The following MYO3B variants were observed in gnomAD, a reference collection of about 807,000 sequenced individuals.
The protein encoded by MYO3B is myosin IIIB.
A neutral mutation model predicts 174.6 loss-of-function variants in MYO3B; 156 were observed. The observed-to-expected ratio is 0.89, with a 90% CI of 0.78 to 1.02. The LOEUF is 1.02. Ranked by LOEUF, MYO3B falls within the 50% of genes least tolerant of loss-of-function variation. The pLI is 0.00. For synonymous variants in MYO3B, 563 were observed against 569.1 expected (o/e 0.99, Z 0.15); for missense variants, 1,632 against 1,639.4 (o/e 1.00, Z 0.08).
At chr2:170,369,450 CA>C in intron 9 of MYO3B, 73 bp downstream of exon 9, 3 of 1,498,646 alleles carry the variant, frequency 2.0e-6, no homozygotes, top group East Asian at 2.3e-5. Flanking sequence ...TTGATTTGCC[CA>C]GCATTATTAC....
At chr2:170,647,225 C>G (rs1466537195) in intron 32 of MYO3B, among the ~76,000 whole-genome samples, 2 of 152,066 alleles carry the variant, frequency 1.3e-5, no homozygotes, top group Non-Finnish European at 2.9e-5. Flanking sequence ...CAATTTGAGT[C>G]CAACAGCACT....
At chr2:170,221,679 C>T (rs1024537332) in intron 6 of MYO3B, among the ~76,000 whole-genome samples, 2 of 152,134 alleles carry the variant, frequency 1.3e-5, no homozygotes, top group Non-Finnish European at 2.9e-5. Flanking sequence ...AACAATACTA[C>T]TGGGGAAATA....
At chr2:170,645,655 C>T (rs1296435862) in intron 32 of MYO3B, among the ~76,000 whole-genome samples, 1 of 152,028 alleles carries the variant, frequency 6.6e-6, no homozygotes, top group African/African-American at 2.4e-5. Flanking sequence ...CAAATTTAGC[C>T]TTTTCTGGTT....
At chr2:170,646,136 C>T (rs1308257035) in intron 32 of MYO3B, among the ~76,000 whole-genome samples, 5 of 151,506 alleles carry the variant, frequency 3.3e-5, no homozygotes, top group East Asian at 2.0e-4. Context: ...CCGGGCGTGG[C>T]GGCACATGCC....
chr2:170,435,081 C>G (rs533415915), intron 22 of MYO3B, among the ~76,000 whole-genome samples: 2 of 152,332 alleles, frequency 1.3e-5, no homozygotes, highest in African/African-American at 4.8e-5. Context: ...AAGTATTGCA[C>G]TAGCGTAGGT....
At chr2:170,588,650 G>A (rs1693639470) in intron 32 of MYO3B, among the ~76,000 whole-genome samples, 1 of 152,130 alleles carries the variant, frequency 6.6e-6, no homozygotes, top group Non-Finnish European at 1.5e-5. Flanking sequence ...ACATCAAAGT[G>A]GCATTTCTCC....
intron 7 of MYO3B, among the ~76,000 whole-genome samples, chr2:170,312,161 C>T (rs779761414): frequency 3.3e-5 from 5 of 152,198 alleles, no homozygotes; most frequent in African/African-American, 7.2e-5. Context: ...CTAAGATGCA[C>T]GTTTCTTCAA....
At chr2:170,428,843 A>G (rs1360809974) in intron 22 of MYO3B, among the ~76,000 whole-genome samples, 3 of 152,216 alleles carry the variant, frequency 2.0e-5, no homozygotes, top group Admixed American at 6.5e-5. Flanking sequence ...CATTTGACAT[A>G]TAATACAAAT....
intron 8 of MYO3B, chr2:170,342,397 T>C (rs895668850): frequency 5.9e-5 from 9 of 152,276 alleles, no homozygotes; most frequent in African/African-American, 2.2e-4. Flanking sequence ...CTGTGTGTGC[T>C]TGTGCCTGGA....
At chr2:170,334,094 A>C (rs890155635) in intron 7 of MYO3B, 1 of 152,206 alleles carries the variant, frequency 6.6e-6, no homozygotes, top group Non-Finnish European at 1.5e-5. Context: ...TCTGATGTCC[A>C]CAATGGCTGC....
At chr2:170,302,430 G>T (rs1241292364) in intron 7 of MYO3B, among the ~76,000 whole-genome samples, 1 of 152,176 alleles carries the variant, frequency 6.6e-6, no homozygotes, top group Non-Finnish European at 1.5e-5. Flanking sequence ...CTGGGGCTGG[G>T]ACTGTAAAAT....
intron 23 of MYO3B, 88 bp downstream of exon 23, chr2:170,444,134 C>T (rs2094823112): frequency 1.7e-6 from 2 of 1,182,810 alleles, no homozygotes; most frequent in African/African-American, 3.0e-5. Context: ...CATTAGTTCC[C>T]TTCTAGCAGC....
At chr2:170,394,319 C>T (rs1244750415) in intron 16 of MYO3B, among the ~76,000 whole-genome samples, 6 of 152,024 alleles carry the variant, frequency 3.9e-5, no homozygotes, top group Admixed American at 3.9e-4. Flanking sequence ...TATAATGGTG[C>T]CATTCTAATA....
chr2:170,538,207 C>T (rs949846404), intron 30 of MYO3B, among the ~76,000 whole-genome samples: 2 of 152,174 alleles, frequency 1.3e-5, no homozygotes, highest in African/African-American at 4.8e-5. Context: ...AAAGAGCACC[C>T]TGCTTCTTTT....
chr2:170,627,216 A>G (rs948789960), intron 32 of MYO3B, among the ~76,000 whole-genome samples: 1 of 152,196 alleles, frequency 6.6e-6, no homozygotes, highest in Non-Finnish European at 1.5e-5. Context: ...GTCTTTTCAC[A>G]TAGTCCCCTA....
At chr2:170,438,489 T>A (rs1472628598) in intron 22 of MYO3B, among the ~76,000 whole-genome samples, 1 of 152,196 alleles carries the variant, frequency 6.6e-6, no homozygotes, top group African/African-American at 2.4e-5. Context: ...TTTTTAATTT[T>A]TTGAGGAAAC....
chr2:170,282,079 C>G (rs2093515753), intron 7 of MYO3B, among the ~76,000 whole-genome samples: 1 of 152,110 alleles, frequency 6.6e-6, no homozygotes, highest in African/African-American at 2.4e-5. Context: ...CTGATTATTT[C>G]CTTTGCCATG....
intron 28 of MYO3B, 60 bp from the exon 29 acceptor site, chr2:170,514,861 G>T: frequency 6.9e-7 from 1 of 1,441,474 alleles, no homozygotes; most frequent in Non-Finnish European, 9.6e-7. Flanking sequence ...CACCCAGTTT[G>T]GTAATTCATC....
intron 32 of MYO3B, among the ~76,000 whole-genome samples, chr2:170,605,869 A>T (rs1370532560): frequency 1.3e-5 from 2 of 151,958 alleles, no homozygotes; most frequent in African/African-American, 4.8e-5. Context: ...AAAAAAAAAG[A>T]AGTGGCACCA....
Sources: gnomAD v4.1 joint callset for allele counts (sites outside exome capture counted in the v4.1 genomes callset) on GRCh38, gnomAD v4.1.1 for gene constraint, MANE v1.5 for transcripts, NCBI Gene and HGNC (gene_info 2026-07-23, HGNC 2026-07-21) for gene names.